FRMD8: variants seen among roughly 807,000 people sequenced by gnomAD.
The protein encoded by FRMD8 is FERM domain containing 8.
FRMD8 carries 37 observed loss-of-function variants against 54.2 expected under a neutral mutation model. That is an observed-to-expected ratio of 0.68 (90% CI 0.53 to 0.90). The LOEUF (loss-of-function observed/expected upper bound fraction) is 0.90. Ranked by LOEUF, FRMD8 falls within the 40% of genes least tolerant of loss-of-function variation. The pLI, the probability that FRMD8 is intolerant of heterozygous loss-of-function variation, is 0.00. For synonymous variants in FRMD8, 246 were observed against 286.9 expected, an observed-to-expected ratio of 0.86 and a Z score of 1.44; for missense variants, 585 against 653.7, an observed-to-expected ratio of 0.89 and a Z score of 1.15.
chr11:65,403,199 T>C (rs1365629709), intron 9 of FRMD8, among the ~76,000 whole-genome samples: 1 of 151,890 alleles, frequency 6.6e-6, no homozygotes, highest in Admixed American at 6.6e-5. Context: ...TTCTTTTTTT[T>C]TGAGATGGAG....
At chr11:65,399,940 G>A in intron 8 of FRMD8, 81 bp downstream of exon 8, 2 of 1,498,948 alleles carry the variant, frequency 1.3e-6, no homozygotes, top group Non-Finnish European at 1.8e-6. Context: ...CTGGGCCTGT[G>A]GGGGCCTGGG....
chr11:65,396,960 C>A lies in FRMD8; in HGVS notation c.743C>A (p.Ala248Asp). Residue 248 changes from alanine (A) to aspartate (D), a missense_variant, in exon 7 of 11, where the codon GCC becomes GAC. Ala to Asp is a moderately radical substitution (Grantham distance 126). Transcript: ENST00000317568. ...QEVSSDGGCE[A>D]ALGTHYRAYL... ...GTCAGCAGCGACGGCGGGTGCGAGG[C>A]CGCCCTGGGCACCCACTACCGCGCC... is the stretch of plus-strand genomic sequence containing the variant. The A allele has an allele frequency of 6.6e-7, 1 of 1,511,950 alleles. No individual in the cohort carries two copies. Among genetic ancestry groups the A allele is most frequent in the Non-Finnish European group, 8.9e-7 (1 of 1,127,182 alleles). The allele number at this position is 1,511,950 out of a possible 1,614,324, so 93.7% of individuals were successfully genotyped here. A position where few individuals can be genotyped will look rare whatever the true frequency, so the allele number is the denominator to read the frequency against.
chr11:65,378,435 G>C, the FRMD8 span: 6 of 151,430 alleles, frequency 4.0e-5, no homozygotes, highest in African/African-American at 1.5e-4. Context: ...CCAAAGAGCT[G>C]GGGGGGCAGG....
At chr11:65,368,190 C>G in the FRMD8 span, 1 of 150,632 alleles carries the variant, frequency 6.6e-6, no homozygotes, top group East Asian at 2.0e-4. Context: ...ATTCTCCTGC[C>G]TCAGCCTCCC....
At position 65,411,263 on chromosome 11, in the gene FRMD8, A is replaced by G. The variant is rs749717435; in HGVS notation, c.1298A>G (p.Lys433Arg). 22 of 1,608,972 alleles carry G rather than the reference A, an allele frequency of 1.4e-5. No homozygotes were observed. In the Admixed American group the frequency reaches 3.7e-4, roughly 27 times the overall value. The change falls in exon 11 of 11, where the codon AAG (lysine) becomes AGG (arginine). Residue 433 changes from lysine to arginine, a missense_variant. Coordinates refer to ENST00000317568, the MANE Select transcript of FRMD8 (RefSeq NM_031904.5). Reference sequence around the variant, plus strand: ...GCAGGCAAGGGGATCAGGCGAGTGAAGCCGAAGCGCACCACATCCTTCTTC... The same window carrying G: ...GCAGGCAAGGGGATCAGGCGAGTGAGGCCGAAGCGCACCACATCCTTCTTC... ...VEDGKGIRRV[K>R]PKRTTSFFSR... is the part of the protein sequence containing the mutation.
At chr11:65,397,793 G>T (rs1855987899) in intron 7 of FRMD8, among the ~76,000 whole-genome samples, 1 of 151,948 alleles carries the variant, frequency 6.6e-6, no homozygotes, top group African/African-American at 2.4e-5. Context: ...CTCACTGCAG[G>T]CTCGACCTCC....
rs199560325 is a variant in FRMD8, at chr11:65,394,403, C to T, written c.559C>T (p.Arg187Trp). The T allele has an allele frequency of 6.6e-4, 1,043 of 1,568,874 alleles. 1 individual carries two copies. The highest frequency in any genetic ancestry group is 8.3e-4 in the Non-Finnish European group (959 of 1,159,568). Residue 187 changes from arginine (R) to tryptophan (W), a missense_variant, in exon 6 of 11, where the codon CGG (arginine) becomes TGG (tryptophan). Arg to Trp is a moderately radical substitution (Grantham distance 101). Coordinates refer to ENST00000317568, the MANE Select transcript of FRMD8 (RefSeq NM_031904.5). The stretch of plus-strand genomic sequence containing the variant: ...GCAGCTTGGGCCCTACCAGCCCGGC[C>T]GGCCGGCAGCCTGCGACCTGAGGTG... The part of the protein sequence containing the change: ...RVQLGPYQPG[R>W]PAACDLREKL...
intron 10 of FRMD8, among the ~76,000 whole-genome samples, chr11:65,407,162 C>T (rs1856218277): frequency 1.3e-5 from 2 of 152,082 alleles, no homozygotes; most frequent in South Asian, 2.1e-4. Context: ...TACACCTTTA[C>T]AGCTTTCCTA....
At chr11:65,406,940 CAAATAAAT>C (rs201370165) in intron 10 of FRMD8, among the ~76,000 whole-genome samples, 5 of 151,370 alleles carry the variant, frequency 3.3e-5, no homozygotes, top group East Asian at 2.0e-4. Context: ...AACTCCGTCT[CAAATAAAT>C]AAATAAATAA....
the FRMD8 span, chr11:65,379,384 AC>A: frequency 3.7e-6 from 6 of 1,608,496 alleles, no homozygotes; most frequent in African/African-American, 1.3e-5. Flanking sequence ...ACCTGCAGGA[AC>A]CCCCCGGTGC....
At chr11:65,368,513 C>CAACT in the FRMD8 span, among the ~76,000 whole-genome samples, 1 of 151,984 alleles carries the variant, frequency 6.6e-6, no homozygotes, top group Non-Finnish European at 1.5e-5. Context: ...ACCCAGCCAA[C>CAACT]AACTATTTAC....
intron 6 of FRMD8, among the ~76,000 whole-genome samples, chr11:65,395,626 G>A (rs147477615): frequency 3.9e-5 from 6 of 152,352 alleles, no homozygotes; most frequent in South Asian, 2.1e-4. Flanking sequence ...TGCCTGAGGC[G>A]GGGAACCAAC....
rs1455403246 is a variant in FRMD8, at chr11:65,411,541, A to G, written c.*181A>G. 2 of 489,656 alleles carry G rather than the reference A, an allele frequency of 4.1e-6. No homozygotes were observed. The highest frequency in any genetic ancestry group is 7.6e-5 in the Admixed American group (2 of 26,236). The allele number at this position is 489,656 out of a possible 1,614,324, so 30.3% of individuals were successfully genotyped here. On this transcript the variant is annotated 3_prime_UTR_variant, in exon 11 of 11. Transcript: ENST00000317568. ...CCGGGGCCATGCCCGGGCTGTGCAAAGCTGGCCAGGGCCTCCTGTAGGGCT... is the reference window on the plus strand; with the variant it reads ...CCGGGGCCATGCCCGGGCTGTGCAAGGCTGGCCAGGGCCTCCTGTAGGGCT...
Position 65,400,706 on chromosome 11 carries a change from G to A in FRMD8, c.928-18G>A. ...CTGCCCAGGGGTCAAGCCTGGCTCT[G>A]TGTCTCCTGCTGGCCAGCATGTCCT... On this transcript the variant is annotated intron_variant, in intron 8 of 10. Transcript: ENST00000317568. The surrounding 1 kb of genome is among the most constrained non-coding windows in gnomAD (Gnocchi z 4.3). 1 of 1,562,698 alleles carries A rather than the reference G, an allele frequency of 6.4e-7. No homozygotes were observed. Among genetic ancestry groups the A allele is most frequent in the Non-Finnish European group, 8.7e-7 (1 of 1,155,406 alleles).
At chr11:65,401,516 A>C in intron 9 of FRMD8, among the ~76,000 whole-genome samples, 3 of 140,626 alleles carry the variant, frequency 2.1e-5, no homozygotes, top group South Asian at 2.3e-4. Flanking sequence ...TTCATTCCAC[A>C]CCTCTCCGGC....
the FRMD8 span, chr11:65,381,451 G>T: frequency 3.0e-3 from 496 of 167,928 alleles, 4 homozygotes; most frequent in African/African-American, 0.011. Context: ...TAAAGACAGG[G>T]TCTTCCTATG....
chr11:65,380,003 C>T, the FRMD8 span: 9 of 1,602,320 alleles, frequency 5.6e-6, no homozygotes, highest in African/African-American at 1.1e-4. Context: ...TTCCCTCTGC[C>T]CCCTCAAGCG....
At chr11:65,385,631 A>C (rs1855716673), upstream of FRMD8, among the ~76,000 whole-genome samples, 1 of 152,002 alleles carries the variant, frequency 6.6e-6, no homozygotes, top group African/African-American at 2.4e-5. Context: ...CATGGCCCTG[A>C]GGGTAGGTGG....
Position 65,399,779 on chromosome 11 carries a change from T to C in FRMD8, c.847T>C (p.Phe283Leu), listed in dbSNP as rs779668890. 3.7e-6 allele frequency: 6 copies of C among 1,614,036 alleles called. No individual in the cohort carries two copies. The highest frequency in any genetic ancestry group is 4.5e-5 in the East Asian group (2 of 44,866). ...HGEVDKPAQG[F>L]LHRGGRKPVS... ...TGAGGTTGACAAGCCGGCCCAAGGC[T>C]TTTTGCACCGGGGTGGGCGCAAGCC... is the stretch of plus-strand genomic sequence containing the variant. The change falls in exon 8 of 11, where the codon TTT becomes CTT. Residue 283 changes from phenylalanine (F) to leucine (L), a missense_variant. Physicochemically the swap from Phe to Leu is conservative, Grantham distance 22. Coordinates refer to ENST00000317568, the MANE Select transcript of FRMD8 (RefSeq NM_031904.5).
Sources: allele counts gnomAD v4.1 joint callset (sites outside exome capture counted in the v4.1 genomes callset), GRCh38; gene constraint gnomAD v4.1.1; non-coding constraint Gnocchi (gnomAD v3.1); transcripts MANE v1.5; gene names NCBI Gene and HGNC (gene_info 2026-07-23, HGNC 2026-07-21).